The following PTPN2 variants were observed in gnomAD, a reference collection of about 807,000 sequenced individuals.
PTPN2 encodes tyrosine-protein phosphatase non-receptor type 2.
In PTPN2, 19 loss-of-function variants were observed where a neutral mutation model predicts 57.3. The observed-to-expected ratio is 0.33, with a 90% confidence interval of 0.23 to 0.49. PTPN2 has a LOEUF of 0.49. Ranked by LOEUF, PTPN2 falls within the 20% of genes least tolerant of loss-of-function variation. The pLI, the probability that PTPN2 is intolerant of heterozygous loss-of-function variation, is 0.99. For synonymous variants in PTPN2, 153 were observed against 164.9 expected, an observed-to-expected ratio of 0.93 and a Z score of 0.55; for missense variants, 358 against 501.1, an observed-to-expected ratio of 0.71 and a Z score of 2.73.
downstream of PTPN2, chr18:12,787,567 C>T (rs1350766613): frequency 3.3e-5 from 5 of 152,260 alleles, no homozygotes; most frequent in East Asian, 9.6e-4. Context: ...TCATTTATAA[C>T]AACTGAAGGA....
rs4390652 is a variant in PTPN2 at position 12,797,284 on chromosome 18, T to A, written c.1041-2799A>T. Among the ~76,000 whole-genome samples the A allele has an allele frequency of 3.9e-5, 6 of 152,284 alleles. No homozygotes were observed. The South Asian group carries it at 1.0e-3, about 26-fold the overall frequency. On this transcript the variant is annotated intron_variant, in intron 8 of 8. Coordinates refer to ENST00000309660, the MANE Select transcript of PTPN2 (RefSeq NM_002828.4). ...ATCTTTAACGTATTATTTCATTTTT[T>A]ATTTTCATTGCGGTATAGAAGGCAA... is the stretch of plus-strand genomic sequence containing the variant.
At chr18:12,807,933 T>C (rs2041744650) in intron 7 of PTPN2, among the ~76,000 whole-genome samples, 2 of 152,044 alleles carry the variant, frequency 1.3e-5, no homozygotes, top group South Asian at 4.1e-4. Context: ...CCTGCAATTC[T>C]AGCAGTTTGG....
chr18:12,819,152 T>G (rs897824486), intron 5 of PTPN2: 4 of 635,056 alleles, frequency 6.3e-6, no homozygotes, highest in Non-Finnish European at 9.7e-6. Flanking sequence ...TGTCCCAGAC[T>G]CAGTATATAA....
At chr18:12,868,715 C>CTT (rs2044082043) in intron 1 of PTPN2, among the ~76,000 whole-genome samples, 1 of 150,194 alleles carries the variant, frequency 6.7e-6, no homozygotes, top group Non-Finnish European at 1.5e-5. Context: ...GGGCGGATCA[C>CTT]GAGTTCAGGG....
At chr18:12,807,769 T>C (rs1048086521) in intron 7 of PTPN2, among the ~76,000 whole-genome samples, 3 of 151,480 alleles carry the variant, frequency 2.0e-5, no homozygotes, top group Non-Finnish European at 4.4e-5. Flanking sequence ...GAGAGTAGAA[T>C]AGTACCTACT....
Position 12,793,825 on chromosome 18 carries a change from C to T in PTPN2, c.*453G>A, listed in dbSNP as rs1270741663. 18 of 957,826 alleles carry T rather than the reference C, an allele frequency of 1.9e-5. No homozygotes were observed. The highest frequency in any genetic ancestry group is 2.2e-5 in the Non-Finnish European group (18 of 802,412). The allele number at this position is 957,826 out of a possible 1,614,324, so 59.3% of individuals were successfully genotyped here. A position where few individuals can be genotyped will look rare whatever the true frequency, so the allele number is the denominator to read the frequency against. ...GCTTAAGAATAAAAGTGTTGATGCCCATGTCAATAGTACATTATACATTAC... is the reference window on the plus strand; with the variant it reads ...GCTTAAGAATAAAAGTGTTGATGCCTATGTCAATAGTACATTATACATTAC... On this transcript the variant is annotated 3_prime_UTR_variant, in exon 9 of 9. Coordinates refer to ENST00000309660, the MANE Select transcript of PTPN2 (RefSeq NM_002828.4).
chr18:12,788,463 G>A (rs1490898823), downstream of PTPN2, among the ~76,000 whole-genome samples: 1 of 98,258 alleles, frequency 1.0e-5, no homozygotes, highest in East Asian at 3.7e-4. Flanking sequence ...AAATAGAGTG[G>A]GGTTTCACCG....
downstream of PTPN2, among the ~76,000 whole-genome samples, chr18:12,789,288 G>C (rs2040920971): frequency 1.3e-5 from 2 of 152,298 alleles, no homozygotes; most frequent in South Asian, 4.1e-4. Flanking sequence ...ATAGCTATAA[G>C]GGAAAGTGGA....
At chr18:12,838,158 A>C (rs993073680) in intron 2 of PTPN2, among the ~76,000 whole-genome samples, 6 of 152,258 alleles carry the variant, frequency 3.9e-5, no homozygotes, top group Non-Finnish European at 7.3e-5. Flanking sequence ...TTTTAAAATT[A>C]AAGTTCCACT....
At chr18:12,786,329 A>C (rs1446149881) in intron 9 of PTPN2, 1 of 153,072 alleles carries the variant, frequency 6.5e-6, no homozygotes, top group Non-Finnish European at 1.5e-5. Context: ...TTTGAACATA[A>C]AGTTGGCCTA....
Position 12,826,254 on chromosome 18 carries a change from C to CA in PTPN2, c.361-311_361-310insT. On this transcript the variant is annotated intron_variant, in intron 4 of 8. Transcript: ENST00000309660. Reference sequence around the variant, plus strand: ...CCTGTCTCTACTAAAAATACAAAAACTAGCTAGGCGCGATGGCGGGCGCCT... The same window carrying CA: ...CCTGTCTCTACTAAAAATACAAAAACATAGCTAGGCGCGATGGCGGGCGCCT... Among the ~76,000 whole-genome samples, 3 of 152,042 alleles carry CA rather than the reference C, an allele frequency of 2.0e-5. No homozygotes were observed. The South Asian group carries it at 6.2e-4, about 32-fold the overall frequency.
intron 2 of PTPN2, chr18:12,840,809 C>G: frequency 1.3e-6 from 2 of 1,598,360 alleles, no homozygotes; most frequent in Non-Finnish European, 1.7e-6. Context: ...CTGACATCAC[C>G]TTTTCACGTT....
At chr18:12,850,573 T>C (rs922878517) in intron 2 of PTPN2, among the ~76,000 whole-genome samples, 2 of 152,156 alleles carry the variant, frequency 1.3e-5, no homozygotes, top group African/African-American at 4.8e-5. Context: ...ACACAAGTTT[T>C]GATAAGCAGT....
intron 1 of PTPN2, among the ~76,000 whole-genome samples, chr18:12,871,036 T>C (rs2044254757): frequency 1.3e-5 from 2 of 152,074 alleles, no homozygotes; most frequent in Non-Finnish European, 1.5e-5. Context: ...CCAGACTGCC[T>C]GTCTGTCTTC....
At chr18:12,844,448 C>T (rs575315326) in intron 2 of PTPN2, among the ~76,000 whole-genome samples, 13 of 152,308 alleles carry the variant, frequency 8.5e-5, no homozygotes, top group African/African-American at 3.1e-4. Context: ...GTATTGTGAT[C>T]TCTTTACTTT....
At chr18:12,845,309 C>T (rs533665373) in intron 2 of PTPN2, among the ~76,000 whole-genome samples, 10 of 152,276 alleles carry the variant, frequency 6.6e-5, no homozygotes, top group Non-Finnish European at 1.2e-4. Flanking sequence ...GTCTTCCAAT[C>T]CATGAACATG....
chr18:12,793,223 T>C lies in PTPN2; in HGVS notation c.*1055A>G. 6.1e-6 allele frequency: 6 copies of C among 979,732 alleles called. No individual in the cohort carries two copies. The highest frequency in any genetic ancestry group is 7.3e-6 in the Non-Finnish European group (6 of 824,760). The allele number at this position is 979,732 out of a possible 1,614,324, so 60.7% of individuals were successfully genotyped here. ...TCATTAAACAGTTTGCTTTAAAAAA[T>C]ATTCATTAAGTTAAAATGACAATGT... On this transcript the variant is annotated 3_prime_UTR_variant, in exon 9 of 9. Coordinates refer to ENST00000309660, the MANE Select transcript of PTPN2 (RefSeq NM_002828.4).
At chr18:12,803,268 C>T (rs917451983) in intron 7 of PTPN2, among the ~76,000 whole-genome samples, 1 of 151,810 alleles carries the variant, frequency 6.6e-6, no homozygotes, top group Admixed American at 6.6e-5. Flanking sequence ...TAAATCAAAG[C>T]TTATCACTAT....
rs1034048915 is a variant in PTPN2 at position 12,821,937 on chromosome 18, C to CGG, written c.495+3871_495+3872dup. ...CTTAAAATGTACTCTTGTGTAATGG[C>CGG]GGGGGGGTACCAAGGCAGCAGATAA... On this transcript the variant is annotated intron_variant, in intron 5 of 8. Coordinates refer to ENST00000309660, the MANE Select transcript of PTPN2 (RefSeq NM_002828.4). Among the ~76,000 whole-genome samples the CGG allele has an allele frequency of 3.9e-5, 6 of 152,016 alleles. No individual in the cohort carries two copies. In the East Asian group the frequency reaches 1.2e-3, roughly 29 times the overall value.
Sources: allele counts gnomAD v4.1 joint callset (sites outside exome capture counted in the v4.1 genomes callset), GRCh38; gene constraint gnomAD v4.1.1; transcripts MANE v1.5; gene names NCBI Gene and HGNC (gene_info 2026-07-23, HGNC 2026-07-21).